WT1: variants seen among roughly 807,000 people sequenced by gnomAD.
The protein encoded by WT1 is WT1 transcription factor, also known as Wilms tumor protein.
WT1 carries 8 observed loss-of-function variants against 60.8 expected under a neutral mutation model. The observed-to-expected ratio is 0.13, with a 90% confidence interval of 0.08 to 0.24. The LOEUF (loss-of-function observed/expected upper bound fraction) is 0.24. Ranked by LOEUF, WT1 falls within the 10% of genes least tolerant of loss-of-function variation. The pLI is 1.00. For synonymous variants in WT1, 312 were observed against 297.1 expected, an observed-to-expected ratio of 1.05 and a Z score of -0.52; for missense variants, 568 against 711.8, an observed-to-expected ratio of 0.80 and a Z score of 2.30.
intron 5 of WT1, among the ~76,000 whole-genome samples, chr11:32,404,268 CAAAAA>C (rs61611336): frequency 5.6e-5 from 5 of 89,298 alleles, no homozygotes; most frequent in Admixed American, 1.2e-4. Context: ...GACTCTGTCT[CAAAAA>C]AAAAAAAAAA....
At chr11:32,402,100 G>C (rs1852175806) in intron 5 of WT1, among the ~76,000 whole-genome samples, 1 of 151,944 alleles carries the variant, frequency 6.6e-6, no homozygotes, top group African/African-American at 2.4e-5. Context: ...ACACCCCCTA[G>C]GGCCACAGAA....
intron 6 of WT1, 90 bp from the exon 7 acceptor site, chr11:32,396,497 C>A (rs1482688634): frequency 1.3e-5 from 20 of 1,565,890 alleles, no homozygotes; most frequent in Non-Finnish European, 1.7e-5. Flanking sequence ...TGGAGTATAT[C>A]CAAAGAAGGG....
intron 5 of WT1, among the ~76,000 whole-genome samples, chr11:32,401,110 A>G (rs887803490): frequency 2.0e-5 from 3 of 152,258 alleles, no homozygotes; most frequent in Non-Finnish European, 4.4e-5. Context: ...CCAAATGTCC[A>G]TCAACTGATG....
At chr11:32,429,498 G>A (rs1207074549) in intron 1 of WT1, among the ~76,000 whole-genome samples, 1 of 142,868 alleles carries the variant, frequency 7.0e-6, no homozygotes, top group Non-Finnish European at 1.5e-5. Context: ...AGAGCGTGGA[G>A]CCTCAGTTGG....
chr11:32,395,623 G>C (rs1335274459), intron 7 of WT1, among the ~76,000 whole-genome samples: 1 of 151,738 alleles, frequency 6.6e-6, no homozygotes, highest in African/African-American at 2.4e-5. Context: ...CACCACACCC[G>C]GCTCATTTTT....
At chr11:32,390,081 G>C (rs1406748058) in intron 9 of WT1, among the ~76,000 whole-genome samples, 2 of 152,150 alleles carry the variant, frequency 1.3e-5, no homozygotes, top group Non-Finnish European at 2.9e-5. Flanking sequence ...CAAATCTCCA[G>C]GTCTGTCGAA....
chr11:32,413,469 G>A (rs976882630), intron 5 of WT1, among the ~76,000 whole-genome samples: 1 of 152,156 alleles, frequency 6.6e-6, no homozygotes, highest in East Asian at 1.9e-4. Context: ...GTCTCCCCTG[G>A]GGAAAGGCCA....
At chr11:32,406,814 C>T (rs1236619166) in intron 5 of WT1, among the ~76,000 whole-genome samples, 3 of 152,090 alleles carry the variant, frequency 2.0e-5, no homozygotes, top group Admixed American at 1.3e-4. Flanking sequence ...AATGCATAAA[C>T]ACGGCCGGGT....
intron 9 of WT1, among the ~76,000 whole-genome samples, 161 bp downstream of exon 9, chr11:32,391,811 T>C (rs1343252534): frequency 1.3e-5 from 2 of 152,202 alleles, no homozygotes; most frequent in Non-Finnish European, 2.9e-5. Flanking sequence ...AAAAATGTTA[T>C]TATTTATTAT....
chr11:32,405,463 TA>T (rs1336192505), intron 5 of WT1, among the ~76,000 whole-genome samples: 1 of 149,536 alleles, frequency 6.7e-6, no homozygotes. Context: ...AAAATATATA[TA>T]TTTTTAATAT....
chr11:32,424,041 A>G (rs1852941165), intron 3 of WT1, among the ~76,000 whole-genome samples: 1 of 151,656 alleles, frequency 6.6e-6, no homozygotes, highest in African/African-American at 2.4e-5. Flanking sequence ...ACATGCCTGT[A>G]GTCCCAGCTA....
intron 3 of WT1, among the ~76,000 whole-genome samples, chr11:32,419,415 T>A (rs745474025): frequency 1.5e-4 from 23 of 152,218 alleles, no homozygotes; most frequent in African/African-American, 2.9e-4. Context: ...ACTAATTTTT[T>A]AAAAATTGTT....
At chr11:32,431,290 G>T (rs1200551804) in intron 1 of WT1, among the ~76,000 whole-genome samples, 3 of 152,194 alleles carry the variant, frequency 2.0e-5, no homozygotes, top group African/African-American at 7.2e-5. Context: ...TCTCCTGTGT[G>T]ACCGGAAGAG....
intron 6 of WT1, 92 bp downstream of exon 6, chr11:32,399,856 G>C (rs1852092794): frequency 5.8e-6 from 8 of 1,381,726 alleles, no homozygotes; most frequent in Non-Finnish European, 7.1e-6. Flanking sequence ...GGCTGCCAGG[G>C]CCAAAGAGTC....
intron 9 of WT1, among the ~76,000 whole-genome samples, chr11:32,390,298 T>C (rs1336167829): frequency 6.6e-6 from 1 of 152,208 alleles, no homozygotes. Flanking sequence ...GGAGGGCTGG[T>C]GTCCCAGGGT....
chr11:32,409,847 CTCCT>C (rs1852439623), intron 5 of WT1, among the ~76,000 whole-genome samples: 1 of 152,156 alleles, frequency 6.6e-6, no homozygotes, highest in Admixed American at 6.5e-5. Flanking sequence ...TCTCTCCCAC[CTCCT>C]TCAAGGACAC....
In WT1 at chr11:32,416,295, A is replaced by C. The variant is rs5030212; in HGVS notation, c.1016+195T>G. The stretch of plus-strand genomic sequence containing the variant: ...TGTTTTCCAGGGGCATGTTGATGAG[A>C]AATGCTACTCCCTCCATTTTGTCCC... On this transcript the variant is annotated intron_variant, in intron 5 of 9. Coordinates refer to ENST00000452863, the MANE Select transcript of WT1 (RefSeq NM_024426.6). Among the ~76,000 whole-genome samples the C allele has an allele frequency of 0.045, 6,872 of 152,084 alleles. 214 individuals carry two copies. Among genetic ancestry groups the C allele is most frequent in the Non-Finnish European group, 0.073 (4,976 of 67,974 alleles).
intron 1 of WT1, 95 bp from the exon 2 acceptor site, chr11:32,428,714 T>C: frequency 6.5e-7 from 1 of 1,537,016 alleles, no homozygotes; most frequent in Non-Finnish European, 8.7e-7. Context: ...GGGTGTGCGC[T>C]GAACCCCGCA....
At chr11:32,417,906 T>C (rs987626061) in intron 3 of WT1, among the ~76,000 whole-genome samples, 9 of 152,246 alleles carry the variant, frequency 5.9e-5, no homozygotes, top group African/African-American at 2.2e-4. Context: ...ATAGCAACTA[T>C]TGAAGTTTCT....
Sources: gnomAD v4.1 joint callset for allele counts (sites outside exome capture counted in the v4.1 genomes callset) on GRCh38, gnomAD v4.1.1 for gene constraint, MANE v1.5 for transcripts, NCBI Gene and HGNC (gene_info 2026-07-23, HGNC 2026-07-21) for gene names.